MCM9: variants seen among roughly 807,000 people sequenced by gnomAD.
The protein encoded by MCM9 is minichromosome maintenance 9 homologous recombination repair factor.
A neutral mutation model predicts 72.8 loss-of-function variants in MCM9; 55 were observed. That is an observed-to-expected ratio of 0.76 (90% CI 0.61 to 0.95). The LOEUF is 0.95. Ranked by LOEUF, MCM9 falls within the 40% of genes least tolerant of loss-of-function variation. The probability of loss-of-function intolerance (pLI) is 0.00; values close to 1 mark genes in which losing one functional copy is unlikely to be tolerated. For synonymous variants in MCM9, 480 were observed against 503.4 expected, an observed-to-expected ratio of 0.95 and a Z score of 0.62; for missense variants, 1,279 against 1,377.0, an observed-to-expected ratio of 0.93 and a Z score of 1.13.
At chr6:118,923,029 C>CAAAAAA (rs780562520) in intron 4 of MCM9, among the ~76,000 whole-genome samples, 26 of 43,338 alleles carry the variant, frequency 6.0e-4, no homozygotes, top group Admixed American at 1.6e-3. Flanking sequence ...AACTCCATCT[C>CAAAAAA]AAAAAAAAAA....
intron 9 of MCM9, among the ~76,000 whole-genome samples, chr6:118,840,548 G>C (rs36147455): frequency 6.6e-6 from 1 of 152,238 alleles, no homozygotes; most frequent in South Asian, 2.1e-4. Context: ...CGCAGCAACA[G>C]TGACATATTA....
chr6:118,818,108 G>C (rs1773529924), intron 13 of MCM9, among the ~76,000 whole-genome samples: 1 of 152,088 alleles, frequency 6.6e-6, no homozygotes, highest in Non-Finnish European at 1.5e-5. Context: ...AGTTTATTTG[G>C]CTGAGCTGAA....
intron 13 of MCM9, among the ~76,000 whole-genome samples, chr6:118,820,603 T>C (rs966759051): frequency 2.6e-5 from 4 of 152,164 alleles, no homozygotes; most frequent in African/African-American, 9.7e-5. Context: ...ATTCTGTTCA[T>C]TTGGGGTAGA....
intron 9 of MCM9, among the ~76,000 whole-genome samples, chr6:118,849,582 C>T (rs1776096931): frequency 6.6e-6 from 1 of 151,630 alleles, no homozygotes; most frequent in African/African-American, 2.4e-5. Context: ...AAAGAAACAA[C>T]ACAAACAACA....
At chr6:118,922,513 CTG>C (rs1378819795) in intron 4 of MCM9, among the ~76,000 whole-genome samples, 2 of 152,196 alleles carry the variant, frequency 1.3e-5, no homozygotes, top group Non-Finnish European at 2.9e-5. Flanking sequence ...AATACAAAGA[CTG>C]TATTTCCCAG....
chr6:118,844,767 T>C (rs1435564575), intron 9 of MCM9, among the ~76,000 whole-genome samples: 1 of 151,882 alleles, frequency 6.6e-6, no homozygotes, highest in African/African-American at 2.4e-5. Flanking sequence ...CATGAAGAGT[T>C]ACCTCCTATA....
intron 6 of MCM9, 80 bp downstream of exon 6, chr6:118,917,481 C>T: frequency 7.4e-7 from 1 of 1,352,638 alleles, no homozygotes; most frequent in South Asian, 1.2e-5. Flanking sequence ...GCATATAAGA[C>T]TGTCAAATCA....
At chr6:118,895,211 C>A (rs941947914) in intron 8 of MCM9, among the ~76,000 whole-genome samples, 2 of 151,914 alleles carry the variant, frequency 1.3e-5, no homozygotes, top group Non-Finnish European at 2.9e-5. Context: ...GCGGGCTGGG[C>A]GCCGGCGCTC....
intron 8 of MCM9, among the ~76,000 whole-genome samples, chr6:118,868,347 T>C (rs1293091575): frequency 6.6e-6 from 1 of 152,076 alleles, no homozygotes; most frequent in Non-Finnish European, 1.5e-5. Context: ...TAAGGTGTCA[T>C]CCATAGGCAT....
intron 9 of MCM9, among the ~76,000 whole-genome samples, chr6:118,855,020 CAT>C (rs1290551953): frequency 1.3e-5 from 2 of 152,150 alleles, no homozygotes; most frequent in African/African-American, 4.8e-5. Flanking sequence ...TCCTTTACCA[CAT>C]AGAGTGGAAA....
intron 8 of MCM9, among the ~76,000 whole-genome samples, chr6:118,885,236 A>G (rs1485636777): frequency 6.6e-6 from 1 of 152,128 alleles, no homozygotes; most frequent in Non-Finnish European, 1.5e-5. Flanking sequence ...ATAAATAAAT[A>G]AAAATAAAAT....
intron 3 of MCM9, among the ~76,000 whole-genome samples, chr6:118,930,946 A>G (rs6918569): frequency 0.58 from 88,314 of 152,096 alleles, 26,195 homozygotes; most frequent in East Asian, 0.69. Context: ...AACAATTAAG[A>G]TGCTTTATCT....
Position 118,815,311 on chromosome 6 carries a change from A to T in MCM9, c.2945T>A (p.Ile982Asn). The change falls in exon 14 of 14, where the codon ATC becomes AAC. Residue 982 changes from isoleucine to asparagine, a missense_variant. Transcript: ENST00000619706. ...TGTCTCACCCTGTGGCTGACTGGAG[A>T]TCTGGTTTCCTGGGGTAGATGTTAA... ...GKLTSTPGNQ[I>N]SSQPQGETKE... The T allele has an allele frequency of 1.3e-6, 2 of 1,550,456 alleles. No individual in the cohort carries two copies. Among genetic ancestry groups the T allele is most frequent in the Non-Finnish European group, 1.7e-6 (2 of 1,146,906 alleles).
In MCM9 at chr6:118,840,174, T is replaced by A. The variant is rs554190089; in HGVS notation, c.1326-10924A>T. Among the ~76,000 whole-genome samples, 492 of 151,106 alleles carry A rather than the reference T, an allele frequency of 3.3e-3. 2 individuals carry two copies. The highest frequency in any genetic ancestry group is 5.4e-3 in the African/African-American group (221 of 41,210). ...AGATGGTAGATTTTTATGTTATTTT[T>A]TTTTTTTTCTCCACACACACAAAAG... is the stretch of plus-strand genomic sequence containing the variant. On this transcript the variant is annotated intron_variant, in intron 9 of 13. Coordinates refer to ENST00000619706, the MANE Select transcript of MCM9 (RefSeq NM_017696.3).
Position 118,815,415 on chromosome 6 carries a change from T to G in MCM9, c.2841A>C (p.Lys947Asn), listed in dbSNP as rs1396083313. The G allele has an allele frequency of 1.3e-6, 2 of 1,550,578 alleles. No homozygotes were observed. Among genetic ancestry groups the G allele is most frequent in the Admixed American group, 2.0e-5 (1 of 50,978 alleles). ...AAATTTTAGGACTATGAACTGCTAT[T>G]TTAGTTGCACCAGGTGACACATGGC... ...DHSHVSPGAT[K>N]IAVHSPKISQ... The change falls in exon 14 of 14, where the codon AAA becomes AAC. Residue 947 changes from lysine (K) to asparagine (N), a missense_variant. Lys to Asn is a moderately conservative substitution (Grantham distance 94). Coordinates refer to ENST00000619706, the MANE Select transcript of MCM9 (RefSeq NM_017696.3).
intron 8 of MCM9, among the ~76,000 whole-genome samples, chr6:118,896,019 T>G (rs1779379061): frequency 6.6e-6 from 1 of 151,036 alleles, no homozygotes; most frequent in Admixed American, 6.6e-5. Context: ...TAATCACAAT[T>G]ATTACTTTAA....
rs1321080658 is a variant in MCM9 at position 118,857,609 on chromosome 6, C to A, written c.1151-1064G>T. Among the ~76,000 whole-genome samples the A allele has an allele frequency of 4.2e-5, 5 of 119,602 alleles. No homozygotes were observed. In the South Asian group the frequency reaches 1.3e-3, roughly 31 times the overall value. The allele number at this position is 119,602 out of a possible 152,430, so 78.5% of individuals were successfully genotyped here. A position where few individuals can be genotyped will look rare whatever the true frequency, so the allele number is the denominator to read the frequency against. ...ACTATTGTTGATAAAAATGGATAAA[C>A]TTCTGTCCAGACTGACCAAAAAAAA... On this transcript the variant is annotated intron_variant, in intron 8 of 13. Coordinates refer to ENST00000619706, the MANE Select transcript of MCM9 (RefSeq NM_017696.3).
chr6:118,878,021 G>A (rs1368758993), intron 8 of MCM9, among the ~76,000 whole-genome samples: 1 of 152,030 alleles, frequency 6.6e-6, no homozygotes, highest in Non-Finnish European at 1.5e-5. Flanking sequence ...AATTAGCAAG[G>A]CATGGTGGTG....
intron 8 of MCM9, among the ~76,000 whole-genome samples, chr6:118,904,108 T>C (rs1780000459): frequency 2.0e-5 from 3 of 152,094 alleles, no homozygotes; most frequent in Admixed American, 2.0e-4. Context: ...AAAGAACATA[T>C]CTGTGTTAAT....
Sources: allele counts gnomAD v4.1 joint callset (sites outside exome capture counted in the v4.1 genomes callset), GRCh38; gene constraint gnomAD v4.1.1; transcripts MANE v1.5; gene names NCBI Gene and HGNC (gene_info 2026-07-23, HGNC 2026-07-21).